PLXNB1: variants seen among roughly 807,000 people sequenced by gnomAD.
PLXNB1 encodes the protein plexin-B1.
Under a neutral mutation model 209.4 loss-of-function variants are expected in PLXNB1, and 106 were observed. That is an observed-to-expected ratio of 0.51 (90% confidence interval 0.43 to 0.59). The LOEUF (loss-of-function observed/expected upper bound fraction) is 0.59, where lower values mean the gene tolerates loss of function less well. PLXNB1 is among the 20% of genes least tolerant of loss of function. PLXNB1 has a pLI of 0.00. For synonymous variants in PLXNB1, 1,167 were observed against 1,183.2 expected (o/e 0.99, Z 0.28); for missense variants, 2,357 against 2,853.2 (o/e 0.83, Z 3.96).
rs1169772404 is a variant in PLXNB1 at position 48,429,101 on chromosome 3, C to G, written c.-60+907G>C. Among the ~76,000 whole-genome samples the G allele has an allele frequency of 6.6e-6, 1 of 152,214 alleles. No homozygotes were observed. Among genetic ancestry groups the G allele is most frequent in the Non-Finnish European group, 1.5e-5 (1 of 68,036 alleles). On this transcript the variant is annotated intron_variant, in intron 1 of 37. Coordinates refer to ENST00000296440, the MANE Select transcript of PLXNB1 (RefSeq NM_001130082.3). The surrounding 1 kb of genome is among the most constrained non-coding windows in gnomAD (Gnocchi z 6.4). ...GTTCCAGGCGGAGTCGCCAGAGTTT[C>G]CCTTCGCGCGGAGAAGTGTGGTCCC...
Position 48,407,040 on chromosome 3 carries a change from G to A in PLXNB1, c.6139C>T (p.Arg2047Trp). ...GCCCTCCAGTACCTTTCCACCATCCGCTTGTACCGGGGAATGTCCCGTGCA... is the reference window on the plus strand; with the variant it reads ...GCCCTCCAGTACCTTTCCACCATCCACTTGTACCGGGGAATGTCCCGTGCA... ...LYARDIPRYK[R>W]MVERYYADIR... Residue 2047 changes from arginine to tryptophan, a missense_variant, in exon 35 of 38, where the codon CGG becomes TGG. By Grantham distance (101) the Arg-to-Trp change is moderately radical. This residue lies in a region of PLXNB1 where 414 missense variants were observed against 520.5 expected (regional missense o/e 0.80). Transcript: ENST00000296440. 4 of 1,613,982 alleles carry A rather than the reference G, an allele frequency of 2.5e-6. No individual in the cohort carries two copies. The highest frequency in any genetic ancestry group is 3.4e-6 in the Non-Finnish European group (4 of 1,179,956).
chr3:48,421,591 C>A (rs1209183805), intron 7 of PLXNB1, 83 bp downstream of exon 7: 3 of 1,388,126 alleles, frequency 2.2e-6, no homozygotes, highest in Admixed American at 4.4e-5. Flanking sequence ...TCTGGCATGT[C>A]CGACATCAGG....
At position 48,416,025 on chromosome 3, in the gene PLXNB1, C is replaced by A; in HGVS notation, c.3617+6G>T. On this transcript the variant is annotated splice_donor_region_variant and intron_variant, in intron 18 of 37. Coordinates refer to ENST00000296440, the MANE Select transcript of PLXNB1 (RefSeq NM_001130082.3). The surrounding 1 kb of genome is among the most constrained non-coding windows in gnomAD (Gnocchi z 4.1). ...GATTTTTGCAGGATGAGGAAGTGGC[C>A]CTCACAAGTGACAAGGCTGGTCTCC... The A allele has an allele frequency of 6.2e-7, 1 of 1,602,656 alleles. No individual in the cohort carries two copies. Among genetic ancestry groups the A allele is most frequent in the South Asian group, 1.1e-5 (1 of 89,032 alleles).
Position 48,413,079 on chromosome 3 carries a change from C to T in PLXNB1, c.4626G>A (p.Lys1542=). The change falls in exon 24 of 38, where the codon AAG becomes AAA. Residue 1542 remains lysine, a synonymous_variant. Coordinates refer to ENST00000296440, the MANE Select transcript of PLXNB1 (RefSeq NM_001130082.3). The surrounding 1 kb of genome is among the most constrained non-coding windows in gnomAD (Gnocchi z 5.4). ...LESSVRDRCK[K]EFTDLMTEMT... ...TTCTCTCAGCCACACCTGTGAATTC[C>T]TTCTTGCAGCGGTCCCGCACACTGC... 2 of 1,613,838 alleles carry T rather than the reference C, an allele frequency of 1.2e-6. No homozygotes were observed. The highest frequency in any genetic ancestry group is 1.7e-6 in the Non-Finnish European group (2 of 1,179,802).
chr3:48,409,799 A>C lies in PLXNB1; in HGVS notation c.5779-68T>G, dbSNP rs1575380502. 1 of 1,576,390 alleles carries C rather than the reference A, an allele frequency of 6.3e-7. No individual in the cohort carries two copies. Among genetic ancestry groups the C allele is most frequent in the Non-Finnish European group, 8.6e-7 (1 of 1,156,464 alleles). On this transcript the variant is annotated intron_variant, in intron 32 of 37. Coordinates refer to ENST00000296440, the MANE Select transcript of PLXNB1 (RefSeq NM_001130082.3). This position sits in a 1 kb window ranked among gnomAD's most constrained non-coding sequence, Gnocchi z 5.8. ...CCTCAGCAGCAGCCCAGCCTCAGAC[A>C]CCCCCCGGCACTGTGCCTGCACGAG...
At position 48,409,208 on chromosome 3, in the gene PLXNB1, G is replaced by A. The variant is rs902097944; in HGVS notation, c.6087+121C>T. ...TGGCCCCGGGATGAAGCCTTGGCTTGGGAGGTCAGAGGTCTCCCCTAAGCC... is the reference window on the plus strand; with the variant it reads ...TGGCCCCGGGATGAAGCCTTGGCTTAGGAGGTCAGAGGTCTCCCCTAAGCC... On this transcript the variant is annotated intron_variant, in intron 34 of 37. Coordinates refer to ENST00000296440, the MANE Select transcript of PLXNB1 (RefSeq NM_001130082.3). This position sits in a 1 kb window ranked among gnomAD's most constrained non-coding sequence, Gnocchi z 5.8. 8.7e-7 allele frequency: 1 copy of A among 1,152,100 alleles called. No homozygotes were observed. Among genetic ancestry groups the A allele is most frequent in the Admixed American group, 2.6e-5 (1 of 38,778 alleles). 71.4% of individuals were successfully genotyped at this position (1,152,100 alleles called of 1,614,324 possible). A position where few individuals can be genotyped will look rare whatever the true frequency, so the allele number is the denominator to read the frequency against.
In PLXNB1 at chr3:48,415,311, C is replaced by A; in HGVS notation, c.3831G>T (p.Leu1277=). 1 of 1,613,596 alleles carries A rather than the reference C, an allele frequency of 6.2e-7. No homozygotes were observed. The highest frequency in any genetic ancestry group is 8.5e-7 in the Non-Finnish European group (1 of 1,180,004). Residue 1277 remains leucine (L), a synonymous_variant, in exon 20 of 38, where the codon CTG becomes CTT. Coordinates refer to ENST00000296440, the MANE Select transcript of PLXNB1 (RefSeq NM_001130082.3). The surrounding 1 kb of genome is among the most constrained non-coding windows in gnomAD (Gnocchi z 5.0). ...GREICVRGQN[L]DVVQTPRIRV... ...GGATTCTTGGCGTCTGTACCACGTC[C>A]AGATTCTGGCCACGGACGCATATCT... is the stretch of plus-strand genomic sequence containing the variant.
At chr3:48,425,895 G>A (rs2038866831) in intron 1 of PLXNB1, among the ~76,000 whole-genome samples, 1 of 151,556 alleles carries the variant, frequency 6.6e-6, no homozygotes, top group Middle Eastern at 3.4e-3. Context: ...CACAGACACA[G>A]CCACCCATGT....
In PLXNB1 at chr3:48,413,233, C is replaced by T; in HGVS notation, c.4536-64G>A. The T allele has an allele frequency of 7.7e-7, 1 of 1,293,702 alleles. No homozygotes were observed. The allele number at this position is 1,293,702 out of a possible 1,614,324, so 80.1% of individuals were successfully genotyped here. A position where few individuals can be genotyped will look rare whatever the true frequency, so the allele number is the denominator to read the frequency against. On this transcript the variant is annotated intron_variant, in intron 23 of 37. Coordinates refer to ENST00000296440, the MANE Select transcript of PLXNB1 (RefSeq NM_001130082.3). This position sits in a 1 kb window ranked among gnomAD's most constrained non-coding sequence, Gnocchi z 5.4. ...GTCCTACTCGCCCAGGCCTGCCTGA[C>T]AATCCCCAGGCACACCCCGGCCTCA...
Position 48,405,961 on chromosome 3 carries a change from A to AC in PLXNB1, c.6229-164dup. ...GCAGAGTCCCCTCCATGGCCCAGGG[A>AC]CCCCAGGCCAGGTGTGCCAGATGGG... is the stretch of plus-strand genomic sequence containing the variant. On this transcript the variant is annotated intron_variant, in intron 36 of 37. Transcript: ENST00000296440. The surrounding 1 kb of genome is among the most constrained non-coding windows in gnomAD (Gnocchi z 5.0). The AC allele has an allele frequency of 1.6e-6, 1 of 609,828 alleles. No homozygotes were observed. The highest frequency in any genetic ancestry group is 3.0e-6 in the Non-Finnish European group (1 of 337,228). The allele number at this position is 609,828 out of a possible 1,614,324, so 37.8% of individuals were successfully genotyped here. A position where few individuals can be genotyped will look rare whatever the true frequency, so the allele number is the denominator to read the frequency against.
At position 48,411,004 on chromosome 3, in the gene PLXNB1, C is replaced by A. The variant is rs775707931; in HGVS notation, c.5280G>T (p.Gly1760=). Reference sequence around the variant, plus strand: ...CGGGCACGCCCTGGGCCTCTCCTGCCCCAGGCCCCACAGCCAATAGTGCAT... The same window carrying A: ...CGGGCACGCCCTGGGCCTCTCCTGCACCAGGCCCCACAGCCAATAGTGCAT... ...TLNALLAVGP[G]AGEAQGVPVK... Residue 1760 remains glycine (G), a synonymous_variant, in exon 29 of 38, where the codon GGG becomes GGT. Transcript: ENST00000296440. This position sits in a 1 kb window ranked among gnomAD's most constrained non-coding sequence, Gnocchi z 4.0. 10 of 1,613,748 alleles carry A rather than the reference C, an allele frequency of 6.2e-6. No individual in the cohort carries two copies. The Middle Eastern group carries it at 1.3e-3, about 214-fold the overall frequency.
Position 48,424,150 on chromosome 3 carries a change from C to T in PLXNB1, c.462G>A (p.Gly154=), listed in dbSNP as rs1485832007. 6.4e-7 allele frequency: 1 copy of T among 1,567,556 alleles called. No individual in the cohort carries two copies. Among genetic ancestry groups the T allele is most frequent in the South Asian group, 1.2e-5 (1 of 85,002 alleles). Residue 154 remains glycine (G), a synonymous_variant, in exon 3 of 38, where the codon GGG becomes GGA. Coordinates refer to ENST00000296440, the MANE Select transcript of PLXNB1 (RefSeq NM_001130082.3). The stretch of plus-strand genomic sequence containing the variant: ...CCCCTGCCAAGCCCTGGGCTACCAG[C>T]CCCACCGTGCTGACCGCAGGATCAT... ...AANDPAVSTV[G]LVAQGLAGEP... is the part of the protein sequence containing the mutation.
rs1167306963 is a variant in PLXNB1 at position 48,429,023 on chromosome 3, C to T, written c.-60+985G>A. On this transcript the variant is annotated intron_variant, in intron 1 of 37. Coordinates refer to ENST00000296440, the MANE Select transcript of PLXNB1 (RefSeq NM_001130082.3). The surrounding 1 kb of genome is among the most constrained non-coding windows in gnomAD (Gnocchi z 6.4). Reference sequence around the variant, plus strand: ...GGGGCCGGCCGGTCCCCGGCGGCGACGGCGAGGAGGGGGCGCGGAGGAGCA... The same window carrying T: ...GGGGCCGGCCGGTCCCCGGCGGCGATGGCGAGGAGGGGGCGCGGAGGAGCA... Among the ~76,000 whole-genome samples, 1 of 152,182 alleles carries T rather than the reference C, an allele frequency of 6.6e-6. No homozygotes were observed. Among genetic ancestry groups the T allele is most frequent in the African/African-American group, 2.4e-5 (1 of 41,456 alleles).
At position 48,420,936 on chromosome 3, in the gene PLXNB1, C is replaced by A; in HGVS notation, c.1831G>T (p.Glu611Ter). ...ATCACAACAGCGCCAAATCTGAGCT[C>A]CACGCTCACGGATACGTAGTCTGCA... is the stretch of plus-strand genomic sequence containing the variant. Reference protein sequence around the residue: ...RGADYVSVSVELRFGAVVIAK... With the variant: ...RGADYVSVSV The change falls in exon 9 of 38, where the codon GAG (glutamate) becomes TAG (stop). Residue 611 changes from glutamate to a stop codon, truncating the protein, a stop_gained. Coordinates refer to ENST00000296440, the MANE Select transcript of PLXNB1 (RefSeq NM_001130082.3). LOFTEE classifies it high-confidence loss of function. 6.2e-7 allele frequency: 1 copy of A among 1,613,688 alleles called. No individual in the cohort carries two copies.
chr3:48,421,450 G>A, intron 7 of PLXNB1, 66 bp from the exon 8 acceptor site: 4 of 1,482,032 alleles, frequency 2.7e-6, no homozygotes, highest in Non-Finnish European at 3.6e-6. Context: ...CACATTTATG[G>A]GACACCCAAT....
rs1274353613 is a variant in PLXNB1, at chr3:48,413,782, C to T, written c.4423G>A (p.Val1475Met). 17 of 1,613,732 alleles carry T rather than the reference C, an allele frequency of 1.1e-5. No homozygotes were observed. The highest frequency in any genetic ancestry group is 2.7e-5 in the African/African-American group (2 of 74,944). The change falls in exon 23 of 38, where the codon GTG (valine) becomes ATG (methionine). Residue 1475 changes from valine to methionine, a missense_variant. Physicochemically the swap from Val to Met is conservative, Grantham distance 21. Transcript: ENST00000296440. The surrounding 1 kb of genome is among the most constrained non-coding windows in gnomAD (Gnocchi z 5.4). Reference sequence around the variant, plus strand: ...CCAGGGCTCTCGCCGTCATACTGCACGTGACCCAGGGAGAAGCGCAAGTTC... The same window carrying T: ...CCAGGGCTCTCGCCGTCATACTGCATGTGACCCAGGGAGAAGCGCAAGTTC... Reference protein sequence around the residue: ...MGNLRFSLGHVQYDGESPGAF... With the variant: ...MGNLRFSLGHMQYDGESPGAF...
In PLXNB1 at chr3:48,404,267, C is replaced by G. The variant is rs1195901325; in HGVS notation, c.*219G>C. 1 of 539,290 alleles carries G rather than the reference C, an allele frequency of 1.9e-6. No homozygotes were observed. The highest frequency in any genetic ancestry group is 1.9e-5 in the African/African-American group (1 of 52,690). 33.4% of individuals were successfully genotyped at this position (539,290 alleles called of 1,614,324 possible). ...ACCGGTGTCACAGGGTCGCTGGACT[C>G]GGGGAGCAGGCTGGGTACTACCCCA... On this transcript the variant is annotated 3_prime_UTR_variant, in exon 38 of 38. Coordinates refer to ENST00000296440, the MANE Select transcript of PLXNB1 (RefSeq NM_001130082.3).
In PLXNB1 at chr3:48,406,755, T is replaced by G. The variant is rs1396444334; in HGVS notation, c.6228+68A>C. 3 of 1,532,910 alleles carry G rather than the reference T, an allele frequency of 2.0e-6. No individual in the cohort carries two copies. The highest frequency in any genetic ancestry group is 2.6e-6 in the Non-Finnish European group (3 of 1,134,958). The allele number at this position is 1,532,910 out of a possible 1,614,324, so 95.0% of individuals were successfully genotyped here. A position where few individuals can be genotyped will look rare whatever the true frequency, so the allele number is the denominator to read the frequency against. On this transcript the variant is annotated intron_variant, in intron 36 of 37. Transcript: ENST00000296440. The surrounding 1 kb of genome is among the most constrained non-coding windows in gnomAD (Gnocchi z 4.4). ...CAAGGGCTTCCCTGCAAAGGGGCAG[T>G]GTGAAGGGGGAAGGACCGTTGTGGC... is the stretch of plus-strand genomic sequence containing the variant.
At position 48,419,847 on chromosome 3, in the gene PLXNB1, T is replaced by C. The variant is rs2038377777; in HGVS notation, c.2439A>G (p.Thr813=). The C allele has an allele frequency of 6.4e-7, 1 of 1,574,484 alleles. No individual in the cohort carries two copies. Among genetic ancestry groups the C allele is most frequent in the Admixed American group, 1.8e-5 (1 of 55,150 alleles). ...TGGCAGGGGGCAGGTCCAGGGGCAC[T>C]GTGGGATGAAGAGCCTCGGGGCCAG... ...ADPGPEALHP[T]VPLDLPPATV... Residue 813 remains threonine, a synonymous_variant, in exon 11 of 38, where the codon ACA becomes ACG. Coordinates refer to ENST00000296440, the MANE Select transcript of PLXNB1 (RefSeq NM_001130082.3). The surrounding 1 kb of genome is among the most constrained non-coding windows in gnomAD (Gnocchi z 5.7).
Sources: gnomAD v4.1 joint callset for allele counts (sites outside exome capture counted in the v4.1 genomes callset) on GRCh38, gnomAD v4.1.1 for gene constraint, gnomAD v4.1.1 regional missense constraint, Gnocchi (gnomAD v3.1) non-coding constraint, MANE v1.5 for transcripts, NCBI Gene and HGNC (gene_info 2026-07-23, HGNC 2026-07-21) for gene names.